Variants in RABGAP1L observed in about 807,000 individuals in gnomAD.
The protein encoded by RABGAP1L is rab GTPase-activating protein 1-like.
A neutral mutation model predicts 137.7 loss-of-function variants in RABGAP1L; 63 were observed. That is an observed-to-expected ratio of 0.46 (90% CI 0.37 to 0.56). RABGAP1L has a LOEUF of 0.56. Ranked by LOEUF, RABGAP1L falls within the 20% of genes least tolerant of loss-of-function variation. RABGAP1L has a pLI of 0.00. For synonymous variants in RABGAP1L, 431 were observed against 433.7 expected (o/e 0.99, Z 0.08); for missense variants, 1,095 against 1,244.0 (o/e 0.88, Z 1.80).
At chr1:174,878,468 C>T (rs183414981) in intron 19 of RABGAP1L, among the ~76,000 whole-genome samples, 6 of 152,180 alleles carry the variant, frequency 3.9e-5, no homozygotes, top group African/African-American at 4.8e-5. Context: ...TCAGGTGATC[C>T]GCCTGCCTCA....
chr1:174,407,175 C>T (rs1649375457), intron 13 of RABGAP1L, among the ~76,000 whole-genome samples: 1 of 152,102 alleles, frequency 6.6e-6, no homozygotes, highest in Non-Finnish European at 1.5e-5. Context: ...GAGGCACCTA[C>T]CTCCTGCCCC....
chr1:174,459,499 A>T (rs4652460), intron 13 of RABGAP1L, among the ~76,000 whole-genome samples: 2 of 152,042 alleles, frequency 1.3e-5, no homozygotes, highest in Middle Eastern at 3.4e-3. Flanking sequence ...TTATATAATC[A>T]CATACAATAA....
intron 24 of RABGAP1L, among the ~76,000 whole-genome samples, chr1:174,983,217 AT>A (rs1442746203): frequency 6.6e-6 from 1 of 152,182 alleles, no homozygotes; most frequent in Non-Finnish European, 1.5e-5. Flanking sequence ...AGCAGCCCAC[AT>A]CTGACTGAGC....
chr1:174,980,903 T>A (rs932137621), intron 23 of RABGAP1L, among the ~76,000 whole-genome samples: 30 of 141,954 alleles, frequency 2.1e-4, no homozygotes, highest in African/African-American at 7.7e-4. Context: ...AAAGACAGTT[T>A]TTTTTGTTTT....
chr1:174,567,839 C>T (rs1667688505), intron 13 of RABGAP1L, among the ~76,000 whole-genome samples: 1 of 152,166 alleles, frequency 6.6e-6, no homozygotes, highest in African/African-American at 2.4e-5. Flanking sequence ...AGATGTCACA[C>T]TGGTTAAACA....
Position 174,448,054 on chromosome 1 carries a change from T to C in RABGAP1L, c.1710+53909T>C. 6.8e-7 allele frequency: 1 copy of C among 1,480,344 alleles called. No homozygotes were observed. Among genetic ancestry groups the C allele is most frequent in the Non-Finnish European group, 9.3e-7 (1 of 1,080,752 alleles). 91.7% of individuals were successfully genotyped at this position (1,480,344 alleles called of 1,614,324 possible). On this transcript the variant is annotated intron_variant, in intron 13 of 25. Coordinates refer to ENST00000681986, the MANE Select transcript of RABGAP1L (RefSeq NM_001366446.1). This position sits in a 1 kb window ranked among gnomAD's most constrained non-coding sequence, Gnocchi z 4.2. ...CTCATGTGCGGTGTTTAACAGATGCTGGGCAGGGCATCTGCTTGCTGTAGC... is the reference window on the plus strand; with the variant it reads ...CTCATGTGCGGTGTTTAACAGATGCCGGGCAGGGCATCTGCTTGCTGTAGC...
intron 13 of RABGAP1L, among the ~76,000 whole-genome samples, chr1:174,538,950 G>A (rs140689143): frequency 7.0e-4 from 107 of 152,230 alleles, no homozygotes; most frequent in Middle Eastern, 3.4e-3. Context: ...ACATATTAGT[G>A]TAGTGTTGAG....
intron 21 of RABGAP1L, among the ~76,000 whole-genome samples, chr1:174,970,927 T>C (rs1670077903): frequency 6.6e-6 from 1 of 151,938 alleles, no homozygotes; most frequent in African/African-American, 2.4e-5. Flanking sequence ...TTTTAAAAAA[T>C]ACTTTTTTTT....
At chr1:174,547,653 G>A (rs893246478) in intron 13 of RABGAP1L, among the ~76,000 whole-genome samples, 1 of 151,952 alleles carries the variant, frequency 6.6e-6, no homozygotes, top group East Asian at 1.9e-4. Context: ...TTATACCATA[G>A]GGCTTAACTT....
At chr1:174,946,938 ATATGTGTGTG>A (rs1263984726) in intron 19 of RABGAP1L, among the ~76,000 whole-genome samples, 908 of 65,260 alleles carry the variant, frequency 0.014, 30 homozygotes, top group African/African-American at 0.023. Flanking sequence ...ATATATATAT[ATATGTGTGTG>A]TGTGTGTGTG....
At chr1:174,584,283 A>G (rs1668954287) in intron 13 of RABGAP1L, among the ~76,000 whole-genome samples, 1 of 152,184 alleles carries the variant, frequency 6.6e-6, no homozygotes, top group South Asian at 2.1e-4. Context: ...AGATCTGTAC[A>G]ATCATATGTG....
At chr1:174,514,774 T>C (rs1662666797) in intron 13 of RABGAP1L, among the ~76,000 whole-genome samples, 1 of 152,150 alleles carries the variant, frequency 6.6e-6, no homozygotes, top group South Asian at 2.1e-4. Context: ...TTCTGATGGG[T>C]TTTTGATTGG....
chr1:174,546,791 G>A (rs1666043405), intron 13 of RABGAP1L, among the ~76,000 whole-genome samples: 3 of 152,078 alleles, frequency 2.0e-5, no homozygotes, highest in African/African-American at 7.2e-5. Context: ...AGCACTTTGG[G>A]AGGCCAAGGC....
At chr1:174,799,775 TAGC>T (rs758851838) in intron 18 of RABGAP1L, 40 of 861,726 alleles carry the variant, frequency 4.6e-5, no homozygotes, top group South Asian at 5.3e-5. Context: ...GCAGCAGCAG[TAGC>T]AGCAGCAGCA....
At chr1:174,297,082 T>G (rs1162481255) in intron 10 of RABGAP1L, among the ~76,000 whole-genome samples, 1 of 152,244 alleles carries the variant, frequency 6.6e-6, no homozygotes, top group Non-Finnish European at 1.5e-5. Context: ...TACTTATTTC[T>G]GAGTATGTAC....
chr1:174,588,351 A>G (rs548976657), intron 13 of RABGAP1L, among the ~76,000 whole-genome samples: 1 of 151,446 alleles, frequency 6.6e-6, no homozygotes, highest in East Asian at 2.0e-4. Flanking sequence ...TTTAGTAGAG[A>G]TGGGGGTTTC....
At chr1:174,289,788 G>A (rs1676409707) in intron 10 of RABGAP1L, among the ~76,000 whole-genome samples, 1 of 152,194 alleles carries the variant, frequency 6.6e-6, no homozygotes, top group East Asian at 1.9e-4. Context: ...CCCCCTGACT[G>A]GTATCTGAGG....
At chr1:174,606,246 AG>A (rs1670786079) in intron 13 of RABGAP1L, among the ~76,000 whole-genome samples, 1 of 152,220 alleles carries the variant, frequency 6.6e-6, no homozygotes, top group African/African-American at 2.4e-5. Context: ...CAAATGGCTA[AG>A]TGTAGATGTT....
chr1:174,597,117 C>G (rs1364756515), intron 13 of RABGAP1L, among the ~76,000 whole-genome samples: 2 of 151,938 alleles, frequency 1.3e-5, no homozygotes, highest in Non-Finnish European at 2.9e-5. Context: ...ATTTGGTTTG[C>G]TAGTATTTTG....
Sources: allele counts gnomAD v4.1 joint callset (sites outside exome capture counted in the v4.1 genomes callset), GRCh38; gene constraint gnomAD v4.1.1; non-coding constraint Gnocchi (gnomAD v3.1); transcripts MANE v1.5; gene names NCBI Gene and HGNC (gene_info 2026-07-23, HGNC 2026-07-21).